Variants in CCDC57 observed in about 807,000 individuals in gnomAD.
CCDC57 encodes the protein coiled-coil domain-containing protein 57.
CCDC57 carries 118 observed loss-of-function variants against 118.9 expected under a neutral mutation model. The observed-to-expected ratio is 0.99, with a 90% CI of 0.86 to 1.16. The LOEUF is 1.16. CCDC57 is among the 50% of genes most tolerant of loss of function. The pLI, the probability that CCDC57 is intolerant of heterozygous loss-of-function variation, is 0.00. For missense variants in CCDC57, 1,300 were observed against 1,320.7 expected (o/e 0.98, Z 0.24); for synonymous variants, 527 against 532.9 (o/e 0.99, Z 0.15).
downstream of CCDC57, chr17:82,101,502 G>A (rs750609231): frequency 1.7e-6 from 1 of 578,784 alleles, no homozygotes. Flanking sequence ...AATGGGCCCT[G>A]TGCTCAGGGA....
intron 19 of CCDC57, chr17:82,127,372 C>T (rs1275314725): frequency 5.6e-6 from 1 of 179,592 alleles, no homozygotes; most frequent in Non-Finnish European, 7.2e-6. Flanking sequence ...TCAGCCTGCG[C>T]CCGGGTGTAC....
rs373652506 is a variant in CCDC57 at position 82,199,972 on chromosome 17, C to T, written c.408-1550G>A. 7.8e-4 allele frequency among the ~76,000 whole-genome samples: 119 copies of T among 152,348 alleles called. 4 individuals are homozygous for T. In the South Asian group the frequency reaches 0.024, roughly 30 times the overall value. ...TCAACACTGTGGGCTTCCCAGAAGA[C>T]GGTGGCGCTCAGGGTACATCTGCTG... On this transcript the variant is annotated intron_variant, in intron 3 of 19. Transcript: ENST00000665763.
intron 19 of CCDC57, among the ~76,000 whole-genome samples, chr17:82,108,321 T>C (rs1251268698): frequency 6.6e-6 from 1 of 152,218 alleles, no homozygotes; most frequent in Non-Finnish European, 1.5e-5. Flanking sequence ...AACGGGCTCC[T>C]CTGTGGACAG....
intron 19 of CCDC57, among the ~76,000 whole-genome samples, chr17:82,115,221 C>T (rs1332618083): frequency 2.0e-5 from 3 of 150,404 alleles, no homozygotes; most frequent in Admixed American, 6.7e-5. Context: ...CACTGGAGCC[C>T]TGTGTGATCT....
At chr17:82,176,823 T>C (rs1217676409) in intron 11 of CCDC57, among the ~76,000 whole-genome samples, 1 of 149,358 alleles carries the variant, frequency 6.7e-6, no homozygotes, top group Non-Finnish European at 1.5e-5. Flanking sequence ...GAGTTTGCAC[T>C]CACTTCCAAC....
At chr17:82,145,751 C>T in intron 16 of CCDC57, 1 of 439,960 alleles carries the variant, frequency 2.3e-6, no homozygotes, top group South Asian at 1.6e-5. Flanking sequence ...CCCCTGCAGG[C>T]CCCTGAGTGG....
At chr17:82,129,199 G>A (rs909738940) in intron 17 of CCDC57, among the ~76,000 whole-genome samples, 1 of 152,144 alleles carries the variant, frequency 6.6e-6, no homozygotes, top group African/African-American at 2.4e-5. Flanking sequence ...GATCACAGGT[G>A]TGAGCCACCA....
At chr17:82,127,601 G>A (rs979378227) in intron 19 of CCDC57, 91 bp downstream of exon 18, 18 of 1,481,564 alleles carry the variant, frequency 1.2e-5, no homozygotes, top group African/African-American at 2.9e-5. Context: ...CAGGAGGCAC[G>A]CAGGGTGCTG....
At chr17:82,201,469 G>A (rs2048983637) in intron 3 of CCDC57, 69 bp downstream of exon 2, 4 of 1,461,614 alleles carry the variant, frequency 2.7e-6, no homozygotes, top group Non-Finnish European at 3.6e-6. Flanking sequence ...GGGCAGCACA[G>A]CGGAGCAGGA....
In CCDC57 at chr17:82,127,921, T is replaced by C; in HGVS notation, c.2683-13A>G. 1 of 1,610,676 alleles carries C rather than the reference T, an allele frequency of 6.2e-7. No homozygotes were observed. Among genetic ancestry groups the C allele is most frequent in the Non-Finnish European group, 8.5e-7 (1 of 1,178,830 alleles). On this transcript the variant is annotated splice_polypyrimidine_tract_variant and intron_variant, in intron 18 of 19. Transcript: ENST00000665763. Reference sequence around the variant, plus strand: ...TGCTGTGTTGTGTCTAGAAAAGACATCATCGTCTTGAAAGCCACCCTCTCC... The same window carrying C: ...TGCTGTGTTGTGTCTAGAAAAGACACCATCGTCTTGAAAGCCACCCTCTCC...
intron 2 of CCDC57, among the ~76,000 whole-genome samples, chr17:82,206,941 T>C (rs1411055286): frequency 6.6e-6 from 1 of 152,192 alleles, no homozygotes; most frequent in East Asian, 1.9e-4. Flanking sequence ...GGAACTTAGT[T>C]TATAGTTTGA....
At chr17:82,208,995 G>A (rs905550792) in intron 1 of CCDC57, among the ~76,000 whole-genome samples, 4 of 152,168 alleles carry the variant, frequency 2.6e-5, no homozygotes, top group South Asian at 2.1e-4. Flanking sequence ...ATCTTCCCAC[G>A]TACTTATAGG....
chr17:82,102,667 C>T (rs555029182), intron 19 of CCDC57, among the ~76,000 whole-genome samples: 78 of 152,186 alleles, frequency 5.1e-4, no homozygotes, highest in Non-Finnish European at 1.0e-3. Context: ...TGGATCACCT[C>T]ATGTCAGGAG....
intron 13 of CCDC57, among the ~76,000 whole-genome samples, chr17:82,164,258 G>A (rs757465544): frequency 2.0e-4 from 31 of 152,022 alleles, no homozygotes; most frequent in Non-Finnish European, 4.3e-4. Context: ...GTGCGCCCCT[G>A]TGGTCTCAAC....
chr17:82,169,357 G>C (rs1416910125), intron 13 of CCDC57, among the ~76,000 whole-genome samples: 1 of 152,118 alleles, frequency 6.6e-6, no homozygotes, highest in African/African-American at 2.4e-5. Context: ...TCAAACTCCC[G>C]ACCTCAGGTG....
At chr17:82,188,140 T>G in intron 8 of CCDC57, 79 bp downstream of exon 7, 1 of 1,274,442 alleles carries the variant, frequency 7.8e-7, no homozygotes, top group Non-Finnish European at 1.1e-6. Flanking sequence ...TCCTGTGGTC[T>G]GGCACCAGTG....
At chr17:82,157,914 T>C in exon 15 of CCDC57, 1 of 1,562,452 alleles carries the variant, frequency 6.4e-7, no homozygotes, top group Non-Finnish European at 8.7e-7. Context: ...AAGCTCACGC[T>C]GGAGAGCGGC....
At chr17:82,176,789 T>C (rs2045563296) in intron 11 of CCDC57, among the ~76,000 whole-genome samples, 1 of 151,934 alleles carries the variant, frequency 6.6e-6, no homozygotes, top group Admixed American at 6.6e-5. Context: ...TTCATGATGA[T>C]GGAAGGCAGG....
At chr17:82,132,156 T>C (rs1598772498) in intron 17 of CCDC57, among the ~76,000 whole-genome samples, 1 of 147,758 alleles carries the variant, frequency 6.8e-6, no homozygotes, top group Admixed American at 6.7e-5. Flanking sequence ...TAAGAAAGGA[T>C]AGCCAAGAAA....
Sources: allele counts gnomAD v4.1 joint callset (sites outside exome capture counted in the v4.1 genomes callset), GRCh38; gene constraint gnomAD v4.1.1; transcripts MANE v1.5; gene names NCBI Gene and HGNC (gene_info 2026-07-23, HGNC 2026-07-21).